Variants in IMMP2L observed in about 807,000 individuals in gnomAD.
IMMP2L encodes mitochondrial inner membrane protease subunit 2.
Under a neutral mutation model 19.3 loss-of-function variants are expected in IMMP2L, and 18 were observed. The ratio of observed to expected loss-of-function variants is 0.93; its 90% CI spans 0.64 to 1.38. The LOEUF (loss-of-function observed/expected upper bound fraction) is 1.38, where lower values mean the gene tolerates loss of function less well. Ranked by LOEUF, IMMP2L falls within the 40% of genes most tolerant of loss-of-function variation. The pLI, the probability that IMMP2L is intolerant of heterozygous loss-of-function variation, is 0.00. For missense variants in IMMP2L, 233 were observed against 218.2 expected (o/e 1.07, Z -0.43); for synonymous variants, 76 against 73.0 (o/e 1.04, Z -0.21).
At chr7:111,168,612 T>C (rs1383715881) in intron 3 of IMMP2L, among the ~76,000 whole-genome samples, 1 of 152,008 alleles carries the variant, frequency 6.6e-6, no homozygotes, top group Non-Finnish European at 1.5e-5. Context: ...TATTGCTATA[T>C]AGATTTTACT....
intron 5 of IMMP2L, among the ~76,000 whole-genome samples, chr7:110,817,441 C>A (rs993302883): frequency 4.6e-5 from 7 of 151,966 alleles, no homozygotes; most frequent in Admixed American, 1.3e-4. Flanking sequence ...AACTACAAAC[C>A]ACTGCTCAAT....
At chr7:111,426,299 CA>C (rs1836066993) in intron 3 of IMMP2L, among the ~76,000 whole-genome samples, 1 of 151,084 alleles carries the variant, frequency 6.6e-6, no homozygotes, top group Non-Finnish European at 1.5e-5. Flanking sequence ...TCTTTTCAAT[CA>C]CCAGTATAAT....
At chr7:111,299,202 A>G (rs182814341) in intron 3 of IMMP2L, among the ~76,000 whole-genome samples, 5 of 152,290 alleles carry the variant, frequency 3.3e-5, no homozygotes, top group Admixed American at 3.3e-4. Context: ...TGCCAAATAC[A>G]TTTGAGAAAG....
chr7:111,033,944 A>T (rs1285454589), intron 3 of IMMP2L, among the ~76,000 whole-genome samples: 1 of 152,208 alleles, frequency 6.6e-6, no homozygotes, highest in Non-Finnish European at 1.5e-5. Context: ...TAGATCACTG[A>T]GAATAAACTA....
chr7:111,552,281 TTTTTGTTTTG>T (rs909337162), intron 1 of IMMP2L, among the ~76,000 whole-genome samples: 4 of 152,004 alleles, frequency 2.6e-5, no homozygotes, highest in African/African-American at 9.7e-5. Context: ...AATAGCATCA[TTTTTGTTTTG>T]TTTTGTTTTG....
At chr7:111,035,477 A>G (rs1791244578) in intron 3 of IMMP2L, among the ~76,000 whole-genome samples, 1 of 152,224 alleles carries the variant, frequency 6.6e-6, no homozygotes, top group African/African-American at 2.4e-5. Flanking sequence ...AAACCAAAGA[A>G]TACTGCAATA....
chr7:111,543,530 C>G (rs1725548589), intron 1 of IMMP2L, among the ~76,000 whole-genome samples: 2 of 152,252 alleles, frequency 1.3e-5, no homozygotes, highest in Admixed American at 6.5e-5. Flanking sequence ...AACAGCATGG[C>G]TTCTAACCAA....
intron 5 of IMMP2L, among the ~76,000 whole-genome samples, chr7:110,730,274 G>A (rs984210929): frequency 4.6e-5 from 7 of 152,088 alleles, no homozygotes; most frequent in African/African-American, 1.7e-4. Context: ...AGCTGCCAAC[G>A]TGGCTAGAAT....
At chr7:111,159,694 C>T (rs1208766429) in intron 3 of IMMP2L, among the ~76,000 whole-genome samples, 1 of 152,048 alleles carries the variant, frequency 6.6e-6, no homozygotes, top group Non-Finnish European at 1.5e-5. Flanking sequence ...AACTCTTAGA[C>T]AAGCACTGTC....
intron 5 of IMMP2L, among the ~76,000 whole-genome samples, chr7:110,859,424 C>T (rs906850594): frequency 7.3e-5 from 11 of 151,550 alleles, no homozygotes; most frequent in African/African-American, 2.7e-4. Flanking sequence ...AAGTTTAGTA[C>T]AAATATTGAT....
At chr7:110,713,883 C>T (rs980120264) in intron 5 of IMMP2L, among the ~76,000 whole-genome samples, 3 of 152,026 alleles carry the variant, frequency 2.0e-5, no homozygotes, top group African/African-American at 4.8e-5. Context: ...AAGAGAAGTT[C>T]GACTTCTTCT....
chr7:110,998,541 G>A (rs1823281450), intron 3 of IMMP2L, among the ~76,000 whole-genome samples: 3 of 152,118 alleles, frequency 2.0e-5, no homozygotes, highest in African/African-American at 7.2e-5. Flanking sequence ...ATCAAAGTTT[G>A]CTAAGTTGGC....
At position 111,451,611 on chromosome 7, in the gene IMMP2L, T is replaced by C. The variant is rs368834674; in HGVS notation, c.239+35627A>G. On this transcript the variant is annotated intron_variant, in intron 3 of 5. Transcript: ENST00000405709. ...TAGCATTGGGAGATATACCTAATGC[T>C]AGATGACGAGTTAGGGGGTGCAGCG... is the stretch of plus-strand genomic sequence containing the variant. Among the ~76,000 whole-genome samples the C allele has an allele frequency of 6.4e-4, 95 of 147,332 alleles. No homozygotes were observed. The East Asian group carries it at 0.015, about 23-fold the overall frequency.
In IMMP2L at chr7:111,490,129, G is replaced by A. The variant is rs552454663; in HGVS notation, c.136-2788C>T. Among the ~76,000 whole-genome samples, 19 of 141,684 alleles carry A rather than the reference G, an allele frequency of 1.3e-4. 1 individual carries two copies. Among genetic ancestry groups the A allele is most frequent in the African/African-American group, 3.2e-4 (12 of 37,768 alleles). The allele number at this position is 141,684 out of a possible 152,430, so 93.0% of individuals were successfully genotyped here. ...TTTTTTTTTTTTTTAAGAGGGTCTC[G>A]CTCTGTCACTTAGGCTGGAGTGCAC... is the stretch of plus-strand genomic sequence containing the variant. On this transcript the variant is annotated intron_variant, in intron 2 of 5. Coordinates refer to ENST00000405709, the MANE Select transcript of IMMP2L (RefSeq NM_032549.4).
intron 3 of IMMP2L, among the ~76,000 whole-genome samples, chr7:111,354,958 C>G (rs1470145489): frequency 6.6e-6 from 1 of 151,760 alleles, no homozygotes; most frequent in Non-Finnish European, 1.5e-5. Flanking sequence ...AGAATAAACA[C>G]AGCTATATAG....
At chr7:111,502,970 C>CAG (rs1433523920) in intron 2 of IMMP2L, among the ~76,000 whole-genome samples, 11 of 148,686 alleles carry the variant, frequency 7.4e-5, no homozygotes, top group African/African-American at 1.5e-4. Context: ...TAACTAAAAT[C>CAG]AGAGCAGAAC....
intron 4 of IMMP2L, chr7:110,963,172 T>G (rs1278314172): frequency 3.8e-6 from 4 of 1,057,564 alleles, no homozygotes; most frequent in Non-Finnish European, 5.3e-6. Flanking sequence ...TAAATGAACC[T>G]TAACATCATA....
At chr7:111,432,228 G>T (rs1563183633) in intron 3 of IMMP2L, among the ~76,000 whole-genome samples, 1 of 150,978 alleles carries the variant, frequency 6.6e-6, no homozygotes, top group African/African-American at 2.4e-5. Flanking sequence ...GAGTGTGGGG[G>T]AAAAAAAACC....
chr7:110,742,543 CG>C (rs1562949936), intron 5 of IMMP2L, among the ~76,000 whole-genome samples: 1 of 151,976 alleles, frequency 6.6e-6, no homozygotes, highest in Non-Finnish European at 1.5e-5. Flanking sequence ...CCAAGGCAAG[CG>C]GATCACAAGG....
Sources: allele counts gnomAD v4.1 joint callset (sites outside exome capture counted in the v4.1 genomes callset), GRCh38; gene constraint gnomAD v4.1.1; transcripts MANE v1.5; gene names NCBI Gene and HGNC (gene_info 2026-07-23, HGNC 2026-07-21).